Variants in PCSK5 observed in about 807,000 individuals in gnomAD.
PCSK5 encodes prohormone convertase 5.
PCSK5 carries 129 observed loss-of-function variants against 233.2 expected under a neutral mutation model. The ratio of observed to expected loss-of-function variants is 0.55; its 90% CI spans 0.48 to 0.64. The LOEUF (loss-of-function observed/expected upper bound fraction) is 0.64, where lower values mean the gene tolerates loss of function less well. Ranked by LOEUF, PCSK5 falls within the 30% of genes least tolerant of loss-of-function variation. The pLI, the probability that PCSK5 is intolerant of heterozygous loss-of-function variation, is 0.00. For synonymous variants in PCSK5, 825 were observed against 879.2 expected, an observed-to-expected ratio of 0.94 and a Z score of 1.09; for missense variants, 2,076 against 2,430.1, an observed-to-expected ratio of 0.85 and a Z score of 3.06.
At chr9:75,911,355 A>T (rs1020595134) in intron 1 of PCSK5, among the ~76,000 whole-genome samples, 20 of 152,022 alleles carry the variant, frequency 1.3e-4, no homozygotes, top group African/African-American at 4.1e-4. Context: ...CACCTGTGGA[A>T]GTCATGGCTG....
chr9:76,151,710 A>G (rs1823678746), intron 10 of PCSK5, among the ~76,000 whole-genome samples: 5 of 152,216 alleles, frequency 3.3e-5, no homozygotes. Context: ...TGGATTGAGT[A>G]CTTACTATAC....
chr9:75,993,994 G>A (rs1423663503), intron 3 of PCSK5, among the ~76,000 whole-genome samples: 3 of 152,120 alleles, frequency 2.0e-5, no homozygotes, highest in Non-Finnish European at 4.4e-5. Context: ...TAGGTGCAGT[G>A]AACAATTCTA....
intron 20 of PCSK5, among the ~76,000 whole-genome samples, chr9:76,220,526 CAAAAA>C (rs57063521): frequency 9.9e-6 from 1 of 100,548 alleles, no homozygotes; most frequent in Non-Finnish European, 1.9e-5. Context: ...GACTCTGTCT[CAAAAA>C]AAAAAAAAAA....
chr9:76,138,410 T>C (rs182375265), intron 10 of PCSK5, among the ~76,000 whole-genome samples: 61 of 152,188 alleles, frequency 4.0e-4, no homozygotes, highest in Admixed American at 1.7e-3. Flanking sequence ...ATATAGTACA[T>C]GCAGATCCAT....
rs371179683 is a variant in PCSK5, at chr9:75,922,137, TC to T, written c.193-10241del. ...CAGTTAATAGATGAATGTCTGATAG[TC>T]TGTAAAAGCATTAGTAGGGTACAAA... On this transcript the variant is annotated intron_variant, in intron 1 of 37. Coordinates refer to ENST00000674117, the MANE Select transcript of PCSK5 (RefSeq NM_001372043.1). Among the ~76,000 whole-genome samples the T allele has an allele frequency of 2.3e-3, 343 of 152,332 alleles. 3 individuals carry two copies. The highest frequency in any genetic ancestry group is 0.01 in the Middle Eastern group (3 of 294).
At position 76,189,141 on chromosome 9, in the gene PCSK5, G is replaced by A. The variant is rs777005883; in HGVS notation, c.2428G>A (p.Glu810Lys). ...TAACTGCACAGAGGGCTACTTCATGGAGGATGGGAGATGCGTGCAGAGCTG... is the reference window on the plus strand; with the variant it reads ...TAACTGCACAGAGGGCTACTTCATGAAGGATGGGAGATGCGTGCAGAGCTG... ...CINCTEGYFM[E>K]DGRCVQSCSI... is the part of the protein sequence containing the mutation. Residue 810 changes from glutamate (E) to lysine (K), a missense_variant, in exon 19 of 38, where the codon GAG becomes AAG. Glu to Lys is a moderately conservative substitution (Grantham distance 56). Transcript: ENST00000674117. 6.2e-7 allele frequency: 1 copy of A among 1,612,922 alleles called. No individual in the cohort carries two copies. Among genetic ancestry groups the A allele is most frequent in the Admixed American group, 1.7e-5 (1 of 60,006 alleles).
At chr9:76,332,153 T>A (rs903672771) in intron 33 of PCSK5, among the ~76,000 whole-genome samples, 1 of 152,156 alleles carries the variant, frequency 6.6e-6, no homozygotes, top group Admixed American at 6.5e-5. Flanking sequence ...GAGATTTGGA[T>A]CTCTGATGAG....
At chr9:76,121,749 G>A (rs1451143879) in intron 9 of PCSK5, among the ~76,000 whole-genome samples, 1 of 151,692 alleles carries the variant, frequency 6.6e-6, no homozygotes, top group Admixed American at 6.6e-5. Context: ...GAAACCATCT[G>A]GCCTCAAAGC....
chr9:76,093,566 TA>T (rs1374911462), intron 7 of PCSK5, among the ~76,000 whole-genome samples: 12 of 138,896 alleles, frequency 8.6e-5, no homozygotes, highest in African/African-American at 3.0e-4. Context: ...GTCATAATTT[TA>T]TATATATATA....
chr9:76,157,229 A>G, intron 11 of PCSK5, 67 bp downstream of exon 11: 2 of 1,011,000 alleles, frequency 2.0e-6, no homozygotes, highest in Non-Finnish European at 3.1e-6. Context: ...CAATTGCTCA[A>G]GACAGCCTCT....
At chr9:76,009,852 G>A (rs1827655023) in intron 3 of PCSK5, among the ~76,000 whole-genome samples, 1 of 152,034 alleles carries the variant, frequency 6.6e-6, no homozygotes, top group South Asian at 2.1e-4. Context: ...ATATCCCTAG[G>A]TTTATGTTTA....
chr9:75,920,445 T>G (rs1823203875), intron 1 of PCSK5, among the ~76,000 whole-genome samples: 1 of 152,068 alleles, frequency 6.6e-6, no homozygotes, highest in African/African-American at 2.4e-5. Flanking sequence ...TACTTTTAAT[T>G]TAATGCTCAC....
chr9:76,316,740 CAAAAAAAAAAAAA>C (rs58485029), intron 30 of PCSK5, among the ~76,000 whole-genome samples: 13 of 64,624 alleles, frequency 2.0e-4, no homozygotes, highest in East Asian at 7.6e-4. Context: ...CTTGTCTCAC[CAAAAAAAAAAAAA>C]AAAAAAAAAA....
chr9:76,081,723 G>A, intron 7 of PCSK5, among the ~76,000 whole-genome samples: 2 of 152,198 alleles, frequency 1.3e-5, no homozygotes, highest in South Asian at 2.1e-4. Flanking sequence ...AATAATATTA[G>A]TGGTTAATTT....
chr9:76,218,529 C>T (rs1825618823), intron 20 of PCSK5, among the ~76,000 whole-genome samples: 1 of 150,642 alleles, frequency 6.6e-6, no homozygotes, highest in Non-Finnish European at 1.5e-5. Flanking sequence ...GCTGAGACCC[C>T]TAACTACCCT....
intron 3 of PCSK5, among the ~76,000 whole-genome samples, chr9:75,990,451 T>C (rs920479142): frequency 6.6e-6 from 1 of 152,222 alleles, no homozygotes; most frequent in Admixed American, 6.5e-5. Flanking sequence ...TGAGAGTTTG[T>C]TATGGAGATG....
chr9:76,139,432 T>C (rs149204672), intron 10 of PCSK5, among the ~76,000 whole-genome samples: 1 of 152,218 alleles, frequency 6.6e-6, no homozygotes, highest in East Asian at 1.9e-4. Context: ...TAATTGGTAA[T>C]GTGTACATTG....
intron 1 of PCSK5, among the ~76,000 whole-genome samples, chr9:75,921,950 A>G (rs1823277132): frequency 6.6e-6 from 1 of 152,170 alleles, no homozygotes; most frequent in Non-Finnish European, 1.5e-5. Context: ...CTCTTGGGAG[A>G]AATGTTCTAA....
chr9:75,930,729 G>T (rs1376334739), intron 1 of PCSK5, among the ~76,000 whole-genome samples: 2 of 152,242 alleles, frequency 1.3e-5, no homozygotes, highest in East Asian at 3.9e-4. Context: ...CTTTCCACGA[G>T]AACTACTGTA....
Sources: allele counts gnomAD v4.1 joint callset (sites outside exome capture counted in the v4.1 genomes callset), GRCh38; gene constraint gnomAD v4.1.1; transcripts MANE v1.5; gene names NCBI Gene and HGNC (gene_info 2026-07-23, HGNC 2026-07-21).